SLC16A12: variants seen among roughly 807,000 people sequenced by gnomAD.
SLC16A12 encodes solute carrier family 16 member 12, also known as monocarboxylate transporter 12.
Under a neutral mutation model 42.4 loss-of-function variants are expected in SLC16A12, and 17 were observed. That is an observed-to-expected ratio of 0.40 (90% CI 0.27 to 0.60). The LOEUF is 0.60. Among genes scored for constraint, SLC16A12 ranks in the 20% least tolerant of loss-of-function variants. The pLI is 0.42. For synonymous variants in SLC16A12, 224 were observed against 229.4 expected, an observed-to-expected ratio of 0.98 and a Z score of 0.21; for missense variants, 544 against 623.0, an observed-to-expected ratio of 0.87 and a Z score of 1.35.
chr10:89,539,857 TTTTCTTTCTTTCTTTC>T (rs71022573), upstream of SLC16A12, among the ~76,000 whole-genome samples: 98 of 127,954 alleles, frequency 7.7e-4, no homozygotes, highest in Middle Eastern at 3.8e-3. Flanking sequence ...AGAAACAAAT[TTTTCTTTCTTTCTTTC>T]TTTCTTTCTT....
At chr10:89,481,578 T>C (rs1010547515) in intron 2 of SLC16A12, among the ~76,000 whole-genome samples, 1 of 152,006 alleles carries the variant, frequency 6.6e-6, no homozygotes, top group Non-Finnish European at 1.5e-5. Flanking sequence ...TATTGATGGA[T>C]AGATAAACTG....
intron 2 of SLC16A12, among the ~76,000 whole-genome samples, chr10:89,505,446 A>C (rs538177940): frequency 1.3e-5 from 2 of 152,196 alleles, no homozygotes; most frequent in East Asian, 1.9e-4. Context: ...ACAAAAAAAA[A>C]CAAGAATTCC....
intron 2 of SLC16A12, among the ~76,000 whole-genome samples, chr10:89,491,548 G>GA (rs916943951): frequency 3.3e-5 from 5 of 149,684 alleles, no homozygotes; most frequent in African/African-American, 1.2e-4. Context: ...AGCTGGGAAA[G>GA]AAAAAACATT....
intron 2 of SLC16A12, among the ~76,000 whole-genome samples, chr10:89,521,641 A>G (rs1843359240): frequency 6.6e-6 from 1 of 152,174 alleles, no homozygotes; most frequent in Admixed American, 6.5e-5. Flanking sequence ...GATGATCTTC[A>G]GCTGCCTCTC....
intron 2 of SLC16A12, among the ~76,000 whole-genome samples, chr10:89,549,017 G>A (rs1340538450): frequency 6.6e-6 from 1 of 152,206 alleles, no homozygotes; most frequent in Non-Finnish European, 1.5e-5. Context: ...CATTGAATGA[G>A]ATGGATGGTT....
intron 2 of SLC16A12, among the ~76,000 whole-genome samples, chr10:89,490,072 C>G (rs1227310310): frequency 2.0e-5 from 3 of 152,146 alleles, no homozygotes; most frequent in Admixed American, 6.6e-5. Flanking sequence ...ACTATAGTGA[C>G]TCAAGGTATG....
rs1843641668 is a variant in SLC16A12, at chr10:89,535,525, G to C, written c.-270C>G. 6.5e-6 allele frequency: 1 copy of C among 153,098 alleles called. No homozygotes were observed. The allele number at this position is 153,098 out of a possible 1,614,324, so 9.5% of individuals were successfully genotyped here. ...GAAGCTTCTTGGCCAGGGCGCTGGG[G>C]ATCCGGGAGCGGGGGCCGCCGGCGA... On this transcript the variant is annotated 5_prime_UTR_variant, in exon 1 of 8. It adds an upstream start codon to the 5' untranslated region. Coordinates refer to ENST00000371790, the MANE Select transcript of SLC16A12 (RefSeq NM_213606.4).
At chr10:89,458,530 G>A (rs1842237687) in intron 3 of SLC16A12, among the ~76,000 whole-genome samples, 1 of 152,158 alleles carries the variant, frequency 6.6e-6, no homozygotes, top group Non-Finnish European at 1.5e-5. Context: ...TTAAGGAAAT[G>A]ACTCAAGTGA....
intron 2 of SLC16A12, among the ~76,000 whole-genome samples, chr10:89,519,288 G>GAAGA (rs5786872): frequency 0.48 from 72,798 of 151,428 alleles, 17,913 homozygotes; most frequent in South Asian, 0.67. Flanking sequence ...ACTGCTGGGT[G>GAAGA]AATCATTTGT....
chr10:89,507,389 T>C (rs904818643), intron 2 of SLC16A12, among the ~76,000 whole-genome samples: 1 of 152,170 alleles, frequency 6.6e-6, no homozygotes, highest in Admixed American at 6.5e-5. Flanking sequence ...GCAGAAACCC[T>C]ACAAGCCAGA....
intron 2 of SLC16A12, among the ~76,000 whole-genome samples, chr10:89,466,988 C>T (rs989838788): frequency 3.6e-4 from 55 of 152,274 alleles, no homozygotes; most frequent in African/African-American, 1.3e-3. Flanking sequence ...TCTACCTACA[C>T]CTGTGACAAA....
rs902721480 is a variant in SLC16A12 at position 89,431,610 on chromosome 10, C to T, written c.*1454G>A. The T allele has an allele frequency of 5.3e-5, 8 of 152,154 alleles. No homozygotes were observed. Among genetic ancestry groups the T allele is most frequent in the Non-Finnish European group, 1.2e-4 (8 of 68,038 alleles). The allele number at this position is 152,154 out of a possible 1,614,324, so 9.4% of individuals were successfully genotyped here. On this transcript the variant is annotated 3_prime_UTR_variant, in exon 8 of 8. Coordinates refer to ENST00000371790, the MANE Select transcript of SLC16A12 (RefSeq NM_213606.4). ...TGTAGGGGACAGTGGATTAAATAGC[C>T]TTCAGGGTCAAAACAGTTCCTTGAC...
chr10:89,503,661 G>A (rs1843020264), intron 2 of SLC16A12, among the ~76,000 whole-genome samples: 1 of 152,238 alleles, frequency 6.6e-6, no homozygotes, highest in African/African-American at 2.4e-5. Context: ...GGTGAGTCAA[G>A]AAGGGTGGGT....
intron 2 of SLC16A12, among the ~76,000 whole-genome samples, chr10:89,543,131 G>A (rs1043673681): frequency 1.3e-5 from 2 of 152,250 alleles, no homozygotes; most frequent in Non-Finnish European, 2.9e-5. Flanking sequence ...AATGGTTAGA[G>A]AGAAGGATGG....
rs1011685672 is a variant in SLC16A12 at position 89,430,309 on chromosome 10, T to G, written c.*2755A>C. ...AAATGTCTTTCCAAACACAGGACAA[T>G]AAATTCATTTTATTTTGCTTTTGAA... On this transcript the variant is annotated 3_prime_UTR_variant, in exon 8 of 8. Transcript: ENST00000371790. 2.6e-5 allele frequency: 6 copies of G among 231,582 alleles called. No homozygotes were observed. Among genetic ancestry groups the G allele is most frequent in the Non-Finnish European group, 5.0e-5 (6 of 119,644 alleles). The allele number at this position is 231,582 out of a possible 1,614,324, so 14.3% of individuals were successfully genotyped here.
intron 2 of SLC16A12, among the ~76,000 whole-genome samples, chr10:89,491,631 G>C (rs1842848822): frequency 6.6e-6 from 1 of 152,080 alleles, no homozygotes; most frequent in African/African-American, 2.4e-5. Flanking sequence ...GCCCTGCCTG[G>C]GGGAGGAGGT....
chr10:89,479,316 T>C (rs1408890561), intron 2 of SLC16A12, among the ~76,000 whole-genome samples: 3 of 152,210 alleles, frequency 2.0e-5, no homozygotes, highest in Non-Finnish European at 4.4e-5. Context: ...CTTTTTTTTT[T>C]TCATGTGGGA....
intron 2 of SLC16A12, among the ~76,000 whole-genome samples, chr10:89,523,052 C>T (rs1313573839): frequency 6.6e-6 from 1 of 152,142 alleles, no homozygotes; most frequent in African/African-American, 2.4e-5. Flanking sequence ...AGACTTGTCA[C>T]TCTATATTTA....
chr10:89,443,536 G>T (rs1564570112), intron 4 of SLC16A12, among the ~76,000 whole-genome samples: 3 of 152,186 alleles, frequency 2.0e-5, no homozygotes, highest in African/African-American at 4.8e-5. Flanking sequence ...TTATCTAACT[G>T]TTCTACCTGA....
Sources: allele counts gnomAD v4.1 joint callset (sites outside exome capture counted in the v4.1 genomes callset), GRCh38; gene constraint gnomAD v4.1.1; transcripts MANE v1.5; gene names NCBI Gene and HGNC (gene_info 2026-07-23, HGNC 2026-07-21).